The following UTS2 variants were observed in gnomAD, a reference collection of about 807,000 sequenced individuals.
UTS2 encodes urotensin 2, also known as urotensin-2.
A neutral mutation model predicts 12.6 loss-of-function variants in UTS2; 10 were observed. The observed-to-expected ratio is 0.80, with a 90% CI of 0.49 to 1.35. The LOEUF (loss-of-function observed/expected upper bound fraction) is 1.35. Ranked by LOEUF, UTS2 falls within the 40% of genes most tolerant of loss-of-function variation. The probability of loss-of-function intolerance (pLI) is 0.00; values close to 1 mark genes in which losing one functional copy is unlikely to be tolerated. For missense variants in UTS2, 142 were observed against 143.2 expected, an observed-to-expected ratio of 0.99 and a Z score of 0.04; for synonymous variants, 52 against 50.0, an observed-to-expected ratio of 1.04 and a Z score of -0.17.
the UTS2 span, among the ~76,000 whole-genome samples, chr1:7,890,836 G>C: frequency 8.6e-6 from 1 of 116,488 alleles, no homozygotes; most frequent in South Asian, 2.9e-4. Context: ...GAGTGACTAA[G>C]ACTGTCTCAA....
the UTS2 span, among the ~76,000 whole-genome samples, chr1:7,912,879 C>A: frequency 6.6e-6 from 1 of 152,264 alleles, no homozygotes; most frequent in African/African-American, 2.4e-5. Context: ...AACCACGTAC[C>A]CCCATTTTTC....
At chr1:7,903,376 T>TATTA in the UTS2 span, among the ~76,000 whole-genome samples, 1 of 145,820 alleles carries the variant, frequency 6.9e-6, no homozygotes, top group Non-Finnish European at 1.5e-5. Flanking sequence ...TTTTTTTAAT[T>TATTA]ATTAATTAAT....
chr1:7,883,644 T>C, the UTS2 span, among the ~76,000 whole-genome samples: 2 of 152,192 alleles, frequency 1.3e-5, no homozygotes, highest in African/African-American at 2.4e-5. Context: ...AAATATCACA[T>C]GTACTGATAA....
At chr1:7,900,557 A>G in the UTS2 span, among the ~76,000 whole-genome samples, 195 of 152,180 alleles carry the variant, frequency 1.3e-3, no homozygotes, top group Admixed American at 2.2e-3. Context: ...CAGGTGGATT[A>G]CCTGAGGTCA....
chr1:7,893,938 AGAGT>A, the UTS2 span, among the ~76,000 whole-genome samples: 1 of 152,216 alleles, frequency 6.6e-6, no homozygotes, highest in African/African-American at 2.4e-5. Flanking sequence ...TAAAAACCGT[AGAGT>A]GAGTCAGAGG....
the UTS2 span, among the ~76,000 whole-genome samples, chr1:7,899,826 G>T: frequency 6.6e-6 from 1 of 152,172 alleles, no homozygotes; most frequent in African/African-American, 2.4e-5. Flanking sequence ...TTCTGGCTCA[G>T]GGTCTCTCAG....
chr1:7,878,102 C>G, the UTS2 span, among the ~76,000 whole-genome samples: 1 of 152,196 alleles, frequency 6.6e-6, no homozygotes, highest in Non-Finnish European at 1.5e-5. Context: ...GCAGGCCTTA[C>G]AGGCCAGGAG....
chr1:7,856,279 C>G (rs369540142), upstream of UTS2, among the ~76,000 whole-genome samples: 5 of 152,178 alleles, frequency 3.3e-5, no homozygotes, highest in East Asian at 9.6e-4. Flanking sequence ...CATGAACTTT[C>G]TGACTGGAGG....
Position 7,847,817 on chromosome 1 carries a change from T to G in UTS2, c.324A>C (p.Lys108Asn). 6.2e-7 allele frequency: 1 copy of G among 1,613,990 alleles called. No individual in the cohort carries two copies. Among genetic ancestry groups the G allele is most frequent in the Non-Finnish European group, 8.5e-7 (1 of 1,179,962 alleles). Residue 108 changes from lysine (K) to asparagine (N), a missense_variant, in exon 4 of 4, where the codon AAA becomes AAC. Transcript: ENST00000361696. ...LLSHLLARIW[K>N]PYKKRETPDC... ...CAGGAGTCTCACGTTTCTTGTATGG[T>G]TTCCAGATTCTGGCCAAAAGATGAC...
Position 7,847,668 on chromosome 1 carries a change from C to G in UTS2, c.*98G>C. The G allele has an allele frequency of 1.1e-6, 1 of 948,034 alleles. No homozygotes were observed. Among genetic ancestry groups the G allele is most frequent in the Non-Finnish European group, 1.6e-6 (1 of 608,860 alleles). The allele number at this position is 948,034 out of a possible 1,614,324, so 58.7% of individuals were successfully genotyped here. A position where few individuals can be genotyped will look rare whatever the true frequency, so the allele number is the denominator to read the frequency against. Reference sequence around the variant, plus strand: ...TAACAATGAACAGGGTGTAGTTTGCCTAGTTTTTCTCCACACTGTTTTCAA... The same window carrying G: ...TAACAATGAACAGGGTGTAGTTTGCGTAGTTTTTCTCCACACTGTTTTCAA... On this transcript the variant is annotated 3_prime_UTR_variant, in exon 4 of 4. Transcript: ENST00000361696.
the UTS2 span, among the ~76,000 whole-genome samples, chr1:7,883,266 G>A: frequency 1.1e-4 from 17 of 152,184 alleles, no homozygotes; most frequent in African/African-American, 3.6e-4. Context: ...TATGTTAGAT[G>A]AAACAAGCCA....
the UTS2 span, among the ~76,000 whole-genome samples, chr1:7,904,321 A>T: frequency 2.0e-5 from 3 of 150,274 alleles, no homozygotes; most frequent in Non-Finnish European, 4.4e-5. Context: ...AAAAAAAAAA[A>T]AAATAATAAG....
chr1:7,898,164 G>C, the UTS2 span, among the ~76,000 whole-genome samples: 3 of 151,802 alleles, frequency 2.0e-5, no homozygotes, highest in African/African-American at 7.3e-5. Flanking sequence ...CTTTTTTCTT[G>C]TCATAAGTTA....
At chr1:7,862,996 T>TTGTAGTGTAG in the UTS2 span, among the ~76,000 whole-genome samples, 1 of 18,912 alleles carries the variant, frequency 5.3e-5, no homozygotes, top group African/African-American at 1.9e-4. Context: ...TTGTGTTGTA[T>TTGTAGTGTAG]TGTATTGTAT....
the UTS2 span, among the ~76,000 whole-genome samples, chr1:7,909,043 G>A: frequency 0.13 from 19,078 of 151,796 alleles, 3,941 homozygotes; most frequent in African/African-American, 0.43. Context: ...TACCCATCTC[G>A]GCCTCCGAAA....
chr1:7,855,109 CA>C (rs1638279889), upstream of UTS2, among the ~76,000 whole-genome samples: 1 of 150,404 alleles, frequency 6.6e-6, no homozygotes, highest in African/African-American at 2.4e-5. Flanking sequence ...TGCAGTGAGC[CA>C]AAATCACACC....
chr1:7,897,947 T>G, the UTS2 span, among the ~76,000 whole-genome samples: 1 of 152,182 alleles, frequency 6.6e-6, no homozygotes, highest in Admixed American at 6.6e-5. Flanking sequence ...CTAGGTACCT[T>G]CTGGTTTTGT....
chr1:7,857,815 A>G (rs944572547), upstream of UTS2, among the ~76,000 whole-genome samples: 7 of 143,344 alleles, frequency 4.9e-5, no homozygotes, highest in African/African-American at 1.3e-4. Flanking sequence ...ATGCCATTGC[A>G]CTCCAGCCTG....
intron 3 of UTS2, among the ~76,000 whole-genome samples, chr1:7,848,988 G>C (rs2097410943): frequency 6.6e-6 from 1 of 152,114 alleles, no homozygotes; most frequent in Non-Finnish European, 1.5e-5. Context: ...TCCCTCACTG[G>C]CTTCCAGGTG....
Sources: gnomAD v4.1 joint callset for allele counts (sites outside exome capture counted in the v4.1 genomes callset) on GRCh38, gnomAD v4.1.1 for gene constraint, MANE v1.5 for transcripts, NCBI Gene and HGNC (gene_info 2026-07-23, HGNC 2026-07-21) for gene names.